The following RANBP2 variants were observed in gnomAD, a reference collection of about 807,000 sequenced individuals.
RANBP2 encodes E3 SUMO-protein ligase RanBP2.
RANBP2 carries 57 observed loss-of-function variants against 303.6 expected under a neutral mutation model. The observed-to-expected ratio is 0.19, with a 90% CI of 0.15 to 0.23. RANBP2 has a LOEUF of 0.23. Among genes scored for constraint, RANBP2 ranks in the 10% least tolerant of loss-of-function variants. The pLI, the probability that RANBP2 is intolerant of heterozygous loss-of-function variation, is 1.00. For missense variants in RANBP2, 3,138 were observed against 3,780.8 expected, an observed-to-expected ratio of 0.83 and a Z score of 4.46; for synonymous variants, 1,167 against 1,301.5, an observed-to-expected ratio of 0.90 and a Z score of 2.23.
At chr2:108,933,303 T>A in the RANBP2 span, among the ~76,000 whole-genome samples, 1 of 152,212 alleles carries the variant, frequency 6.6e-6, no homozygotes, top group Non-Finnish European at 1.5e-5. Context: ...CATTCACTTT[T>A]TATTTTATGC....
At chr2:109,616,083 G>A in the RANBP2 span, 13 of 1,491,998 alleles carry the variant, frequency 8.7e-6, no homozygotes, top group African/African-American at 1.4e-4. Context: ...GCTTCTTTTA[G>A]AAAATGCAAA....
At chr2:109,398,279 G>A in the RANBP2 span, among the ~76,000 whole-genome samples, 2 of 152,176 alleles carry the variant, frequency 1.3e-5, no homozygotes, top group African/African-American at 2.4e-5. Flanking sequence ...CTGCAAGGCG[G>A]CACCGTGCAT....
chr2:108,886,629 G>A, the RANBP2 span, among the ~76,000 whole-genome samples: 2 of 151,812 alleles, frequency 1.3e-5, no homozygotes, highest in Non-Finnish European at 2.9e-5. Flanking sequence ...AGCCAGGATG[G>A]TCTCCATCTC....
At chr2:109,529,601 A>G in the RANBP2 span, among the ~76,000 whole-genome samples, 1 of 152,158 alleles carries the variant, frequency 6.6e-6, no homozygotes, top group Non-Finnish European at 1.5e-5. Flanking sequence ...TTTGGGTTTC[A>G]TTTGCTTTGC....
At chr2:109,029,948 A>T in the RANBP2 span, among the ~76,000 whole-genome samples, 1 of 152,160 alleles carries the variant, frequency 6.6e-6, no homozygotes, top group Non-Finnish European at 1.5e-5. Context: ...CTTGACAAGG[A>T]TCCTGGTTGC....
intron 4 of RANBP2, among the ~76,000 whole-genome samples, chr2:108,734,799 T>A (rs143857829): frequency 2.0e-5 from 3 of 151,884 alleles, no homozygotes; most frequent in African/African-American, 7.3e-5. Context: ...AGTGGATGGT[T>A]GAGGTTCGAG....
At chr2:109,571,313 T>C in the RANBP2 span, among the ~76,000 whole-genome samples, 4 of 152,312 alleles carry the variant, frequency 2.6e-5, no homozygotes, top group African/African-American at 7.2e-5. Flanking sequence ...AGAAATGCGA[T>C]AGAAATATGA....
the RANBP2 span, among the ~76,000 whole-genome samples, chr2:109,635,264 C>T: frequency 3.3e-5 from 5 of 152,256 alleles, no homozygotes; most frequent in East Asian, 9.7e-4. Flanking sequence ...CTCACTGCAA[C>T]CTCTGCCTCC....
the RANBP2 span, among the ~76,000 whole-genome samples, chr2:109,675,913 C>T: frequency 2.0e-5 from 3 of 152,184 alleles, no homozygotes; most frequent in African/African-American, 4.8e-5. Context: ...TGTGAGGTTC[C>T]ACCTCGAAAT....
chr2:109,722,640 C>G, the RANBP2 span, among the ~76,000 whole-genome samples: 15 of 152,184 alleles, frequency 9.9e-5, no homozygotes, highest in Non-Finnish European at 2.2e-4. Flanking sequence ...CTTCCCTCAC[C>G]CTCCCCACGA....
At chr2:109,078,184 CATATATATATAGCGT>C in the RANBP2 span, among the ~76,000 whole-genome samples, 13,687 of 60,260 alleles carry the variant, frequency 0.23, 2,889 homozygotes, top group African/African-American at 0.29. Flanking sequence ...ATATATATAG[CATATATATATAGCGT>C]ATATATATAG....
chr2:109,765,556 A>G, the RANBP2 span, among the ~76,000 whole-genome samples: 4 of 150,318 alleles, frequency 2.7e-5, no homozygotes, highest in African/African-American at 9.8e-5. Context: ...GCATGGGCAC[A>G]TCCTGTTGAA....
the RANBP2 span, among the ~76,000 whole-genome samples, chr2:109,449,772 T>A: frequency 6.6e-6 from 1 of 152,210 alleles, no homozygotes; most frequent in African/African-American, 2.4e-5. Flanking sequence ...ATGCCTTAGT[T>A]CCATCTGTTG....
At chr2:109,642,964 C>T in the RANBP2 span, among the ~76,000 whole-genome samples, 1 of 152,028 alleles carries the variant, frequency 6.6e-6, no homozygotes, top group Non-Finnish European at 1.5e-5. Context: ...TGCTTGAGCT[C>T]AGGAGTTTGA....
intron 8 of RANBP2, 48 bp downstream of exon 8, chr2:108,746,846 C>T: frequency 8.2e-6 from 5 of 611,046 alleles, no homozygotes; most frequent in Non-Finnish European, 1.5e-5. Flanking sequence ...AAAGGAATTT[C>T]TGTTAAGGCA....
the RANBP2 span, among the ~76,000 whole-genome samples, chr2:109,209,695 C>A: frequency 6.6e-6 from 1 of 152,140 alleles, no homozygotes; most frequent in Non-Finnish European, 1.5e-5. Flanking sequence ...AAGCATGAGT[C>A]ACTACAAAAT....
chr2:108,869,858 A>G, the RANBP2 span, among the ~76,000 whole-genome samples: 2 of 152,150 alleles, frequency 1.3e-5, no homozygotes, highest in African/African-American at 4.8e-5. Flanking sequence ...GTTTTTTCAA[A>G]TGTCAGATTT....
chr2:109,044,501 C>T, the RANBP2 span, among the ~76,000 whole-genome samples: 10 of 151,790 alleles, frequency 6.6e-5, no homozygotes, highest in South Asian at 8.3e-4. Flanking sequence ...GCAGCCTGGA[C>T]GATAGAGCGA....
chr2:108,737,849 G>A (rs1401679414), intron 6 of RANBP2, among the ~76,000 whole-genome samples: 6 of 148,984 alleles, frequency 4.0e-5, no homozygotes, highest in Non-Finnish European at 9.0e-5. Context: ...GAGTAGCTGG[G>A]ACTACAGGCG....
Sources: gnomAD v4.1 joint callset for allele counts (sites outside exome capture counted in the v4.1 genomes callset) on GRCh38, gnomAD v4.1.1 for gene constraint, MANE v1.5 for transcripts, NCBI Gene and HGNC (gene_info 2026-07-23, HGNC 2026-07-21) for gene names.